The following FTCDNL1 variants were observed in gnomAD, a reference collection of about 807,000 sequenced individuals.
The protein encoded by FTCDNL1 is formiminotransferase cyclodeaminase N-terminal like.
In FTCDNL1, 11 loss-of-function variants were observed where a neutral mutation model predicts 5.9. The observed-to-expected ratio is 1.87, with a 90% CI of 1.18 to 3.10. The LOEUF is 3.10. Among genes scored for constraint, FTCDNL1 ranks in the 30% most tolerant of loss-of-function variants. The pLI, the probability that FTCDNL1 is intolerant of heterozygous loss-of-function variation, is 0.00. For missense variants in FTCDNL1, 115 were observed against 65.5 expected (o/e 1.76, Z -2.61); for synonymous variants, 58 against 24.8 (o/e 2.34, Z -3.99).
the FTCDNL1 span, among the ~76,000 whole-genome samples, chr2:199,684,641 T>A: frequency 3.3e-5 from 5 of 152,180 alleles, no homozygotes; most frequent in Non-Finnish European, 7.3e-5. Flanking sequence ...CCAAATCCCC[T>A]GGATCAATTA....
the FTCDNL1 span, among the ~76,000 whole-genome samples, chr2:199,723,340 T>A: frequency 1.3e-5 from 2 of 152,318 alleles, no homozygotes; most frequent in African/African-American, 4.8e-5. Context: ...CAGAGACAAT[T>A]TGACATCCTC....
At chr2:199,824,790 T>A (rs1701920545) in intron 3 of FTCDNL1, among the ~76,000 whole-genome samples, 1 of 152,170 alleles carries the variant, frequency 6.6e-6, no homozygotes, top group Non-Finnish European at 1.5e-5. Flanking sequence ...CTTATGTGGT[T>A]GTGATTCGTG....
the FTCDNL1 span, among the ~76,000 whole-genome samples, chr2:199,738,505 G>A: frequency 6.6e-6 from 1 of 152,118 alleles, no homozygotes; most frequent in African/African-American, 2.4e-5. Flanking sequence ...ACGTTTAATG[G>A]AATATATAAA....
intron 3 of FTCDNL1, among the ~76,000 whole-genome samples, chr2:199,785,080 C>G (rs1699565750): frequency 6.6e-6 from 1 of 152,020 alleles, no homozygotes; most frequent in Non-Finnish European, 1.5e-5. Flanking sequence ...GTTGCTCACC[C>G]CGTTTGCTCT....
At chr2:199,750,792 G>A in the FTCDNL1 span, among the ~76,000 whole-genome samples, 1 of 152,326 alleles carries the variant, frequency 6.6e-6, no homozygotes, top group Non-Finnish European at 1.5e-5. Flanking sequence ...TACCTTACTT[G>A]TCTGTTGATA....
intron 3 of FTCDNL1, among the ~76,000 whole-genome samples, chr2:199,781,529 C>T (rs1158677711): frequency 1.3e-5 from 2 of 152,108 alleles, no homozygotes; most frequent in African/African-American, 4.8e-5. Context: ...TAGATTGACA[C>T]AATAGACCAG....
At chr2:199,733,304 T>C in the FTCDNL1 span, among the ~76,000 whole-genome samples, 1 of 152,334 alleles carries the variant, frequency 6.6e-6, no homozygotes, top group Admixed American at 6.5e-5. Flanking sequence ...TTTAGGCATG[T>C]AGCTGAAGAA....
At chr2:199,747,229 T>C in the FTCDNL1 span, among the ~76,000 whole-genome samples, 4 of 152,308 alleles carry the variant, frequency 2.6e-5, no homozygotes, top group South Asian at 6.2e-4. Flanking sequence ...TTGGGAAATA[T>C]ATTCTGGATT....
At chr2:199,767,271 A>T (rs1698581806) in intron 3 of FTCDNL1, among the ~76,000 whole-genome samples, 1 of 152,184 alleles carries the variant, frequency 6.6e-6, no homozygotes, top group Non-Finnish European at 1.5e-5. Flanking sequence ...GTTTTCAGGT[A>T]GTCTGAGAAC....
At chr2:199,695,730 G>A in the FTCDNL1 span, among the ~76,000 whole-genome samples, 1 of 152,196 alleles carries the variant, frequency 6.6e-6, no homozygotes, top group Admixed American at 6.5e-5. Flanking sequence ...TGAGCTGGCA[G>A]GGAGAGCTGC....
intron 3 of FTCDNL1, among the ~76,000 whole-genome samples, chr2:199,778,658 A>G (rs1453430565): frequency 6.6e-6 from 1 of 152,184 alleles, no homozygotes; most frequent in African/African-American, 2.4e-5. Context: ...GACTTGACAT[A>G]CCTCCATTAA....
chr2:199,799,067 G>A (rs1456800570), intron 3 of FTCDNL1, among the ~76,000 whole-genome samples: 7 of 152,132 alleles, frequency 4.6e-5, no homozygotes, highest in East Asian at 1.9e-4. Flanking sequence ...TCACTAGGCC[G>A]CCTTTCAGCC....
At chr2:199,706,419 G>C in the FTCDNL1 span, among the ~76,000 whole-genome samples, 1 of 152,252 alleles carries the variant, frequency 6.6e-6, no homozygotes, top group African/African-American at 2.4e-5. Flanking sequence ...CTGTCACCTT[G>C]GGCACTCTGT....
At chr2:199,718,169 T>C in the FTCDNL1 span, among the ~76,000 whole-genome samples, 2 of 152,046 alleles carry the variant, frequency 1.3e-5, no homozygotes, top group Admixed American at 6.6e-5. Context: ...ATTGCCCAAA[T>C]AGTGTACATT....
At chr2:199,696,348 G>A in the FTCDNL1 span, among the ~76,000 whole-genome samples, 1 of 152,192 alleles carries the variant, frequency 6.6e-6, no homozygotes, top group Non-Finnish European at 1.5e-5. Flanking sequence ...GGACCCTGCT[G>A]CCACCACCTC....
At chr2:199,713,394 C>A in the FTCDNL1 span, among the ~76,000 whole-genome samples, 4 of 152,132 alleles carry the variant, frequency 2.6e-5, no homozygotes, top group South Asian at 8.3e-4. Context: ...GGTGAGCCTG[C>A]AACCAAGCCC....
intron 3 of FTCDNL1, among the ~76,000 whole-genome samples, chr2:199,821,354 G>A (rs1440282145): frequency 6.8e-6 from 1 of 147,730 alleles, no homozygotes; most frequent in East Asian, 2.0e-4. Context: ...TAGACACAGG[G>A]TTTCACCATG....
chr2:199,664,277 G>A, the FTCDNL1 span, among the ~76,000 whole-genome samples: 3 of 152,042 alleles, frequency 2.0e-5, no homozygotes, highest in Non-Finnish European at 4.4e-5. Flanking sequence ...TTTTAAATGC[G>A]TATGTATTTC....
chr2:199,813,717 C>T lies in FTCDNL1; in HGVS notation c.398-993G>A, dbSNP rs573993275. Among the ~76,000 whole-genome samples, 4 of 152,042 alleles carry T rather than the reference C, an allele frequency of 2.6e-5. No individual in the cohort carries two copies. The South Asian group carries it at 8.3e-4, about 32-fold the overall frequency. On this transcript the variant is annotated intron_variant, in intron 4 of 4. Coordinates refer to ENST00000420128, the MANE Select transcript of FTCDNL1 (RefSeq NM_001363886.2). ...CACAAGGTAAGGAGTTCGAGACCAGCCTGGCCAATATTGTGAAACCCCGTC... is the reference window on the plus strand; with the variant it reads ...CACAAGGTAAGGAGTTCGAGACCAGTCTGGCCAATATTGTGAAACCCCGTC...
Sources: allele counts gnomAD v4.1 joint callset (sites outside exome capture counted in the v4.1 genomes callset), GRCh38; gene constraint gnomAD v4.1.1; transcripts MANE v1.5; gene names NCBI Gene and HGNC (gene_info 2026-07-23, HGNC 2026-07-21).